Variants in GRIP2 observed in about 807,000 individuals in gnomAD.
The protein encoded by GRIP2 is glutamate receptor interacting protein 2, also known as glutamate receptor-interacting protein 2.
Under a neutral mutation model 108.3 loss-of-function variants are expected in GRIP2, and 58 were observed. That is an observed-to-expected ratio of 0.54 (90% CI 0.43 to 0.67). GRIP2 has a LOEUF of 0.67. Among genes scored for constraint, GRIP2 ranks in the 30% least tolerant of loss-of-function variants. GRIP2 has a pLI of 0.00. For synonymous variants in GRIP2, 586 were observed against 598.2 expected (o/e 0.98, Z 0.30); for missense variants, 1,278 against 1,430.6 (o/e 0.89, Z 1.72).
At chr3:14,545,810 T>C (rs11128706), upstream of GRIP2, among the ~76,000 whole-genome samples, 129,451 of 152,248 alleles carry the variant, frequency 0.85, 55,281 homozygotes, top group African/African-American at 0.92. Flanking sequence ...TCTGGTTACT[T>C]GTTCACTCAG....
chr3:14,579,271 G>A, the GRIP2 span, among the ~76,000 whole-genome samples: 1 of 152,298 alleles, frequency 6.6e-6, no homozygotes, highest in South Asian at 2.1e-4. Context: ...AAGATCAGTG[G>A]TGGCCTAGGT....
Position 14,512,711 on chromosome 3 carries a change from G to C in GRIP2, c.1720+66C>G, listed in dbSNP as rs577351280. On this transcript the variant is annotated intron_variant, in intron 14 of 23. Coordinates refer to ENST00000621039, the MANE Select transcript of GRIP2 (RefSeq NM_001080423.4). The surrounding 1 kb of genome is among the most constrained non-coding windows in gnomAD (Gnocchi z 5.1). ...CCATGGAAATGCTGGTCTGAGCTTG[G>C]CAAGCTCTTTTTCCCCAGCAGTTGA... is the stretch of plus-strand genomic sequence containing the variant. 8.2e-6 allele frequency: 12 copies of C among 1,469,278 alleles called. No homozygotes were observed. The African/African-American group carries it at 1.5e-4, about 19-fold the overall frequency. The allele number at this position is 1,469,278 out of a possible 1,614,324, so 91.0% of individuals were successfully genotyped here. A position where few individuals can be genotyped will look rare whatever the true frequency, so the allele number is the denominator to read the frequency against.
At chr3:14,555,020 C>T (rs898258517) in intron 1 of GRIP2, among the ~76,000 whole-genome samples, 1 of 152,084 alleles carries the variant, frequency 6.6e-6, no homozygotes, top group Admixed American at 6.6e-5. Context: ...TAGATGGAGA[C>T]ATGGCAGCAA....
At position 14,512,718 on chromosome 3, in the gene GRIP2, C is replaced by G. The variant is rs1398333767; in HGVS notation, c.1720+59G>C. The stretch of plus-strand genomic sequence containing the variant: ...AATGCTGGTCTGAGCTTGGCAAGCT[C>G]TTTTTCCCCAGCAGTTGAGCTCGCT... On this transcript the variant is annotated intron_variant, in intron 14 of 23. Coordinates refer to ENST00000621039, the MANE Select transcript of GRIP2 (RefSeq NM_001080423.4). The surrounding 1 kb of genome is among the most constrained non-coding windows in gnomAD (Gnocchi z 5.1). 6.6e-7 allele frequency: 1 copy of G among 1,521,866 alleles called. No individual in the cohort carries two copies. The highest frequency in any genetic ancestry group is 9.1e-7 in the Non-Finnish European group (1 of 1,101,930). 94.3% of individuals were successfully genotyped at this position (1,521,866 alleles called of 1,614,324 possible). A position where few individuals can be genotyped will look rare whatever the true frequency, so the allele number is the denominator to read the frequency against.
chr3:14,582,897 A>G, the GRIP2 span, among the ~76,000 whole-genome samples: 2 of 152,202 alleles, frequency 1.3e-5, no homozygotes, highest in African/African-American at 2.4e-5. Context: ...TGTCATGTTC[A>G]CCACTGGGTC....
At chr3:14,496,696 G>T in intron 21 of GRIP2, 136 bp from the exon 22 acceptor site, 1 of 1,250,884 alleles carries the variant, frequency 8.0e-7, no homozygotes, top group Non-Finnish European at 1.1e-6. Context: ...CTGCCCATTG[G>T]GGCTGGGTCC....
At chr3:14,553,434 G>A (rs767239872) in intron 1 of GRIP2, among the ~76,000 whole-genome samples, 3 of 152,128 alleles carry the variant, frequency 2.0e-5, no homozygotes, top group African/African-American at 7.2e-5. Flanking sequence ...TTCATGAGCT[G>A]CTCCCCTCCT....
chr3:14,586,618 G>A, the GRIP2 span, among the ~76,000 whole-genome samples: 1 of 152,232 alleles, frequency 6.6e-6, no homozygotes, highest in African/African-American at 2.4e-5. Flanking sequence ...CCTAGAACAT[G>A]AGGAATAGCC....
At chr3:14,576,733 C>T in the GRIP2 span, among the ~76,000 whole-genome samples, 1 of 152,252 alleles carries the variant, frequency 6.6e-6, no homozygotes, top group African/African-American at 2.4e-5. Context: ...CGGGCACTAT[C>T]TTCTCTTCAG....
chr3:14,539,683 C>T (rs1432593838), intron 1 of GRIP2, among the ~76,000 whole-genome samples: 1 of 152,196 alleles, frequency 6.6e-6, no homozygotes, highest in Non-Finnish European at 1.5e-5. Context: ...ACAATCGTGT[C>T]TGCCCCTCCC....
the GRIP2 span, chr3:14,573,642 C>A: frequency 1.3e-6 from 2 of 1,502,404 alleles, no homozygotes; most frequent in African/African-American, 1.4e-5. Flanking sequence ...TGTGATGACA[C>A]AGTCCATGTG....
the GRIP2 span, among the ~76,000 whole-genome samples, chr3:14,577,240 T>C: frequency 1.3e-5 from 2 of 152,246 alleles, no homozygotes; most frequent in Non-Finnish European, 2.9e-5. Flanking sequence ...GTGATGTTCA[T>C]GTTGAATTGG....
At chr3:14,503,450 T>C (rs1048254720) in intron 21 of GRIP2, 116 bp downstream of exon 21, 1 of 710,326 alleles carries the variant, frequency 1.4e-6, no homozygotes. Flanking sequence ...GGTGAGTGCA[T>C]ACGTACACAT....
chr3:14,520,526 T>C lies in GRIP2; in HGVS notation c.724A>G (p.Asn242Asp), dbSNP rs746855009. ...TCCACCATCAAGGGTCCCGAAGCATTAGCCACCGTGTCTGGCATGACGGAG... is the reference window on the plus strand; with the variant it reads ...TCCACCATCAAGGGTCCCGAAGCATCAGCCACCGTGTCTGGCATGACGGAG... ...YDVATPDTVA[N>D]ASGPLMVEIV... Residue 242 changes from asparagine to aspartate, a missense_variant, in exon 8 of 24, where the codon AAT (asparagine) becomes GAT (aspartate). Physicochemically the swap from Asn to Asp is conservative, Grantham distance 23. Coordinates refer to ENST00000621039, the MANE Select transcript of GRIP2 (RefSeq NM_001080423.4). The C allele has an allele frequency of 2.0e-5, 32 of 1,613,798 alleles. No individual in the cohort carries two copies. Among genetic ancestry groups the C allele is most frequent in the Non-Finnish European group, 2.5e-5 (30 of 1,179,874 alleles).
the GRIP2 span, among the ~76,000 whole-genome samples, chr3:14,570,830 CT>C: frequency 6.6e-6 from 1 of 152,234 alleles, no homozygotes; most frequent in African/African-American, 2.4e-5. Flanking sequence ...GCAATTCAAC[CT>C]AAAATAAAGC....
chr3:14,549,933 G>T (rs945855153), intron 1 of GRIP2, among the ~76,000 whole-genome samples: 2 of 152,176 alleles, frequency 1.3e-5, no homozygotes, highest in African/African-American at 4.8e-5. Context: ...GAGAACCCTG[G>T]AGCTGTGGAC....
At chr3:14,574,044 T>A in the GRIP2 span, 3 of 1,500,104 alleles carry the variant, frequency 2.0e-6, no homozygotes, top group East Asian at 6.8e-5. Context: ...GATCCAGAAG[T>A]TCTCCTGCTG....
At chr3:14,574,194 T>A in the GRIP2 span, 24 of 879,206 alleles carry the variant, frequency 2.7e-5, no homozygotes, top group African/African-American at 3.5e-4. Flanking sequence ...GGTGAGCCAG[T>A]GGGTGAAGAA....
intron 1 of GRIP2, among the ~76,000 whole-genome samples, chr3:14,534,075 C>A (rs143795275): frequency 2.0e-5 from 3 of 152,210 alleles, no homozygotes; most frequent in Non-Finnish European, 4.4e-5. Flanking sequence ...GACCCCCTGG[C>A]ATAGTCAGAA....
Sources: gnomAD v4.1 joint callset for allele counts (sites outside exome capture counted in the v4.1 genomes callset) on GRCh38, gnomAD v4.1.1 for gene constraint, Gnocchi (gnomAD v3.1) non-coding constraint, MANE v1.5 for transcripts, NCBI Gene and HGNC (gene_info 2026-07-23, HGNC 2026-07-21) for gene names.